Variants in SLC14A2 observed in about 807,000 individuals in gnomAD.
The protein encoded by SLC14A2 is urea transporter 2.
Under a neutral mutation model 104.6 loss-of-function variants are expected in SLC14A2, and 91 were observed. The observed-to-expected ratio is 0.87, with a 90% CI of 0.73 to 1.04. The LOEUF (loss-of-function observed/expected upper bound fraction) is 1.04. SLC14A2 is among the 50% of genes least tolerant of loss of function. The pLI is 0.00. For missense variants in SLC14A2, 1,189 were observed against 1,156.0 expected (o/e 1.03, Z -0.41); for synonymous variants, 476 against 466.4 (o/e 1.02, Z -0.27).
At chr18:45,274,330 G>A (rs1369349064) in intron 1 of SLC14A2, among the ~76,000 whole-genome samples, 1 of 152,128 alleles carries the variant, frequency 6.6e-6, no homozygotes, top group Admixed American at 6.6e-5. Flanking sequence ...TGCTTAAATA[G>A]CAAAATCTAA....
At chr18:45,350,835 T>A (rs2085496344) in intron 1 of SLC14A2, among the ~76,000 whole-genome samples, 1 of 150,136 alleles carries the variant, frequency 6.7e-6, no homozygotes, top group African/African-American at 2.5e-5. Flanking sequence ...AAGAAGACAA[T>A]AGCAATATTT....
At chr18:45,330,714 G>C (rs144638878) in intron 1 of SLC14A2, among the ~76,000 whole-genome samples, 22 of 152,296 alleles carry the variant, frequency 1.4e-4, no homozygotes, top group African/African-American at 4.8e-4. Context: ...TTAACACGCT[G>C]TCCCTCGGGC....
upstream of SLC14A2, among the ~76,000 whole-genome samples, chr18:45,613,989 C>G (rs1318416387): frequency 6.6e-6 from 1 of 152,192 alleles, no homozygotes; most frequent in Non-Finnish European, 1.5e-5. Context: ...GAAGATTACT[C>G]CAGGGCATGT....
intron 2 of SLC14A2, among the ~76,000 whole-genome samples, chr18:45,494,603 T>A (rs1000229621): frequency 6.6e-6 from 1 of 151,862 alleles, no homozygotes; most frequent in Non-Finnish European, 1.5e-5. Flanking sequence ...GGTCTCACCA[T>A]GTTGGCCAGG....
intron 1 of SLC14A2, among the ~76,000 whole-genome samples, chr18:45,385,192 G>C (rs1429029445): frequency 6.6e-6 from 1 of 152,184 alleles, no homozygotes; most frequent in African/African-American, 2.4e-5. Flanking sequence ...CATCCAATCC[G>C]AAGCCAGACA....
chr18:45,535,322 TAGAA>T (rs2043763327), intron 2 of SLC14A2, among the ~76,000 whole-genome samples: 2 of 152,160 alleles, frequency 1.3e-5, no homozygotes, highest in Admixed American at 6.5e-5. Context: ...ATGTGACAAA[TAGAA>T]AGAGTTTGTT....
At chr18:45,239,254 C>G (rs1039919179) in intron 1 of SLC14A2, among the ~76,000 whole-genome samples, 1 of 152,176 alleles carries the variant, frequency 6.6e-6, no homozygotes, top group Non-Finnish European at 1.5e-5. Flanking sequence ...CCAACTCTTT[C>G]TAGGCTCCCA....
chr18:45,529,246 C>T (rs1450134650), intron 2 of SLC14A2: 1 of 152,198 alleles, frequency 6.6e-6, no homozygotes, highest in Non-Finnish European at 1.5e-5. Flanking sequence ...GTCAAAACAG[C>T]TATTTAACCT....
intron 1 of SLC14A2, among the ~76,000 whole-genome samples, chr18:45,287,072 T>C (rs2084822167): frequency 6.6e-6 from 1 of 152,184 alleles, no homozygotes; most frequent in Admixed American, 6.5e-5. Flanking sequence ...CATTGTCTCA[T>C]TTAAAACAAA....
At position 45,626,959 on chromosome 18, in the gene SLC14A2, C is replaced by A; in HGVS notation, c.333C>A (p.Asp111Glu). 1 of 1,608,998 alleles carries A rather than the reference C, an allele frequency of 6.2e-7. No homozygotes were observed. The highest frequency in any genetic ancestry group is 2.2e-5 in the East Asian group (1 of 44,802). The change falls in exon 4 of 20, where the codon GAC becomes GAA. Residue 111 changes from aspartate (D) to glutamate (E), a missense_variant and splice_region_variant. Coordinates refer to ENST00000255226, the MANE Select transcript of SLC14A2 (RefSeq NM_007163.4). ...DMKEYRIWLKDKHLALQFIDW... is the reference protein window; with the variant it reads ...DMKEYRIWLKEKHLALQFIDW... ...TGGCTCGCTCTCTGTCTCTTTCAGA[C>A]AAGCACCTTGCCCTCCAGTTCATAG...
chr18:45,437,951 A>G (rs576209631), intron 1 of SLC14A2, among the ~76,000 whole-genome samples: 1 of 152,292 alleles, frequency 6.6e-6, no homozygotes, highest in South Asian at 2.1e-4. Flanking sequence ...TGGGTTATAA[A>G]TATACTTACC....
intron 2 of SLC14A2, among the ~76,000 whole-genome samples, chr18:45,558,698 C>T (rs1263987610): frequency 5.3e-5 from 8 of 152,152 alleles, no homozygotes; most frequent in Admixed American, 3.9e-4. Context: ...AGTTTGAATT[C>T]GCCACAAGTG....
At chr18:45,294,407 T>G (rs1193370091) in intron 1 of SLC14A2, among the ~76,000 whole-genome samples, 1 of 152,176 alleles carries the variant, frequency 6.6e-6, no homozygotes, top group African/African-American at 2.4e-5. Context: ...TATTAGCTAG[T>G]ATTAATGTTA....
chr18:45,655,660 A>C (rs1186188888), intron 10 of SLC14A2, among the ~76,000 whole-genome samples: 3 of 152,216 alleles, frequency 2.0e-5, no homozygotes, highest in Non-Finnish European at 2.9e-5. Context: ...GCGCAGAAGA[A>C]GGCATAGAAG....
chr18:45,255,747 TG>T (rs1325892957), intron 1 of SLC14A2, among the ~76,000 whole-genome samples: 2 of 152,144 alleles, frequency 1.3e-5, no homozygotes, highest in Admixed American at 1.3e-4. Context: ...CAAATACTTG[TG>T]GTTTTAACTA....
intron 1 of SLC14A2, among the ~76,000 whole-genome samples, chr18:45,269,485 C>T (rs1372024995): frequency 6.6e-6 from 1 of 151,896 alleles, no homozygotes; most frequent in African/African-American, 2.4e-5. Context: ...TACCACAATT[C>T]ACTGAGACTG....
chr18:45,642,725 A>C (rs1051573137), intron 8 of SLC14A2, among the ~76,000 whole-genome samples: 21 of 152,020 alleles, frequency 1.4e-4, no homozygotes, highest in African/African-American at 5.1e-4. Flanking sequence ...AGTCTTGAAT[A>C]GGAGGGACCT....
intron 1 of SLC14A2, among the ~76,000 whole-genome samples, chr18:45,616,985 C>T (rs1206188852): frequency 6.6e-6 from 1 of 152,112 alleles, no homozygotes; most frequent in African/African-American, 2.4e-5. Flanking sequence ...GTAGTCCCAG[C>T]TACTAAGGAG....
intron 2 of SLC14A2, among the ~76,000 whole-genome samples, chr18:45,503,840 T>TGTGTTCTCATGATGCTTCCCAC (rs376168648): frequency 1.3e-5 from 2 of 151,836 alleles, no homozygotes; most frequent in South Asian, 2.1e-4. Context: ...TTATCAAAGA[T>TGTGTTCTCATGATGCTTCCCAC]ACCACTGGAA....
Sources: allele counts gnomAD v4.1 joint callset (sites outside exome capture counted in the v4.1 genomes callset), GRCh38; gene constraint gnomAD v4.1.1; transcripts MANE v1.5; gene names NCBI Gene and HGNC (gene_info 2026-07-23, HGNC 2026-07-21).